The following SYNE1 variants were observed in gnomAD, a reference collection of about 807,000 sequenced individuals.
The protein encoded by SYNE1 is spectrin repeat containing nuclear envelope protein 1, also known as nesprin-1.
Under a neutral mutation model 1,111.0 loss-of-function variants are expected in SYNE1, and 616 were observed. The ratio of observed to expected loss-of-function variants is 0.55; its 90% CI spans 0.52 to 0.59. SYNE1 has a LOEUF of 0.59. Ranked by LOEUF, SYNE1 falls within the 20% of genes least tolerant of loss-of-function variation. The probability of loss-of-function intolerance (pLI) is 0.00; values close to 1 mark genes in which losing one functional copy is unlikely to be tolerated. For synonymous variants in SYNE1, 3,855 were observed against 3,825.8 expected (o/e 1.01, Z -0.28); for missense variants, 10,006 against 10,417.0 (o/e 0.96, Z 1.72).
intron 70 of SYNE1, among the ~76,000 whole-genome samples, chr6:152,351,630 A>G (rs1035293962): frequency 6.6e-6 from 1 of 152,172 alleles, no homozygotes; most frequent in African/African-American, 2.4e-5. Context: ...TCAATTTACC[A>G]TAGGTCAGTT....
intron 91 of SYNE1, among the ~76,000 whole-genome samples, chr6:152,306,203 C>T (rs969294251): frequency 2.0e-5 from 3 of 152,066 alleles, no homozygotes; most frequent in Admixed American, 6.6e-5. Context: ...ATCCTTACCC[C>T]GGCCAGTCGT....
rs1265038014 is a variant in SYNE1 at position 152,409,685 on chromosome 6, A to G, written c.6255T>C (p.Ile2085=). 5 of 1,613,804 alleles carry G rather than the reference A, an allele frequency of 3.1e-6. No individual in the cohort carries two copies. The highest frequency in any genetic ancestry group is 2.5e-6 in the Non-Finnish European group (3 of 1,179,958). The change falls in exon 43 of 146, where the codon ATT becomes ATC. Residue 2085 remains isoleucine, a synonymous_variant. Coordinates refer to ENST00000367255, the MANE Select transcript of SYNE1 (RefSeq NM_182961.4). Reference sequence around the variant, plus strand: ...GGTTCTGATATTCTCTCATTAAGTCAATAAGTCCACAGCACTGACCCTGAC... The same window carrying G: ...GGTTCTGATATTCTCTCATTAAGTCGATAAGTCCACAGCACTGACCCTGAC... ...HENQGQCCGL[I]DLMREYQNLK... is the part of the protein sequence containing the mutation.
intron 11 of SYNE1, among the ~76,000 whole-genome samples, chr6:152,497,529 G>T (rs2099006210): frequency 6.6e-6 from 1 of 152,196 alleles, no homozygotes; most frequent in African/African-American, 2.4e-5. Flanking sequence ...AGACTTCATT[G>T]TGAGCCTGAG....
rs757124573 is a variant in SYNE1, at chr6:152,156,102, AG to A, written c.23791-6del. On this transcript the variant is annotated splice_region_variant and splice_polypyrimidine_tract_variant and intron_variant, in intron 131 of 145. Coordinates refer to ENST00000367255, the MANE Select transcript of SYNE1 (RefSeq NM_182961.4). ...CTCTATGTCTCTCTGAAGCTCCTGC[AG>A]GGGAACGTAACAGGCTTTATTCAAC... 6.0e-4 allele frequency: 971 copies of A among 1,614,048 alleles called. No homozygotes were observed. Among genetic ancestry groups the A allele is most frequent in the Non-Finnish European group, 7.7e-4 (904 of 1,180,024 alleles).
chr6:152,507,463 G>A (rs1465391371), intron 8 of SYNE1, among the ~76,000 whole-genome samples: 1 of 151,892 alleles, frequency 6.6e-6, no homozygotes, highest in Non-Finnish European at 1.5e-5. Flanking sequence ...ATATATGTAG[G>A]TATGCACACA....
rs183649484 is a variant in SYNE1 at position 152,609,615 on chromosome 6, C to T, written c.67+18650G>A. Among the ~76,000 whole-genome samples, 436 of 152,266 alleles carry T rather than the reference C, an allele frequency of 2.9e-3. 2 individuals carry two copies. Among genetic ancestry groups the T allele is most frequent in the African/African-American group, 0.01 (420 of 41,564 alleles). On this transcript the variant is annotated intron_variant, in intron 3 of 145. Coordinates refer to ENST00000367255, the MANE Select transcript of SYNE1 (RefSeq NM_182961.4). ...CCCTGTCTAACAGCACTGAAGACAG[C>T]GGTGGTTCTCCCAGCACGGCGTTTG...
At position 152,217,253 on chromosome 6, in the gene SYNE1, A is replaced by G. The variant is rs1050948197; in HGVS notation, c.22191+1004T>C. Among the ~76,000 whole-genome samples the G allele has an allele frequency of 5.3e-5, 8 of 150,080 alleles. No individual in the cohort carries two copies. In the East Asian group the frequency reaches 8.0e-4, roughly 15 times the overall value. ...ACTAAAAATACAAAAAAAATTAGCC[A>G]GGCGTGGTGGACAGTACCTGCAGTC... On this transcript the variant is annotated intron_variant, in intron 121 of 145. Transcript: ENST00000367255.
At chr6:152,596,468 C>T (rs2128585306) in intron 3 of SYNE1, among the ~76,000 whole-genome samples, 1 of 152,234 alleles carries the variant, frequency 6.6e-6, no homozygotes, top group African/African-American at 2.4e-5. Flanking sequence ...GTTGGCCATG[C>T]TGGTCTTGAA....
Position 152,520,558 on chromosome 6 carries a change from TA to T in SYNE1, c.226-17del. On this transcript the variant is annotated splice_polypyrimidine_tract_variant and intron_variant, in intron 5 of 145. Transcript: ENST00000367255. ...GTTCACAAGGCTGTAAAAAGTGGGG[TA>T]AAAAAGGGAATGAGACAAAATCTGC... 6.2e-7 allele frequency: 1 copy of T among 1,613,146 alleles called. No homozygotes were observed. Among genetic ancestry groups the T allele is most frequent in the South Asian group, 1.1e-5 (1 of 91,064 alleles).
chr6:152,438,679 T>C (rs1274797849), intron 32 of SYNE1, among the ~76,000 whole-genome samples: 1 of 152,180 alleles, frequency 6.6e-6, no homozygotes, highest in African/African-American at 2.4e-5. Flanking sequence ...AGATTAAACA[T>C]GACATTGCTA....
In SYNE1 at chr6:152,401,142, A is replaced by C; in HGVS notation, c.7025T>G (p.Val2342Gly). ...TAATGATAGTTTATTACCTACCTTG[A>C]CTTTTTTCAATGCTTCACAAGTCTC... ...QNETCEALKK[V>G]KDIQKELQSQ... Residue 2342 changes from valine (V) to glycine (G), a missense_variant, in exon 47 of 146, where the codon GTC (valine) becomes GGC (glycine). Physicochemically the swap from Val to Gly is moderately radical, Grantham distance 109. This residue lies in a region of SYNE1 where 4,955 missense variants were observed against 5,017.2 expected (regional missense o/e 0.99). Transcript: ENST00000367255. 6.2e-7 allele frequency: 1 copy of C among 1,613,966 alleles called. No individual in the cohort carries two copies. Among genetic ancestry groups the C allele is most frequent in the Non-Finnish European group, 8.5e-7 (1 of 1,179,980 alleles).
Position 152,449,572 on chromosome 6 carries a change from G to A in SYNE1, c.3465C>T (p.Ile1155=), listed in dbSNP as rs770210620. ...TQLKGIKGEA[I]DTANHGEVKR... is the part of the protein sequence containing the mutation. ...TAACCTCTCCGTGGTTGGCAGTATC[G>A]ATGGCCTCACCCTTGATCCCCTTTA... Residue 1155 remains isoleucine, a synonymous_variant, in exon 28 of 146, where the codon ATC becomes ATT. Transcript: ENST00000367255. The A allele has an allele frequency of 5.6e-6, 9 of 1,613,874 alleles. No homozygotes were observed. In the East Asian group the frequency reaches 6.7e-5, roughly 12 times the overall value.
intron 16 of SYNE1, among the ~76,000 whole-genome samples, chr6:152,469,782 G>A (rs926758572): frequency 1.6e-4 from 24 of 152,194 alleles, no homozygotes; most frequent in Middle Eastern, 3.4e-3. Flanking sequence ...CACCTGGAGC[G>A]TGTGCCGCCA....
At chr6:152,413,216 T>C in intron 42 of SYNE1, 136 bp downstream of exon 42, 1 of 1,045,878 alleles carries the variant, frequency 9.6e-7, no homozygotes, top group Non-Finnish European at 1.5e-6. Flanking sequence ...TTTTCAATGT[T>C]ATGAAAGTGA....
chr6:152,282,566 G>A (rs905521936), intron 96 of SYNE1, among the ~76,000 whole-genome samples: 4 of 151,866 alleles, frequency 2.6e-5, no homozygotes, highest in African/African-American at 9.7e-5. Context: ...AAAAATCGAC[G>A]TCAATCGCTT....
chr6:152,399,397 T>C (rs1311742907), intron 48 of SYNE1, among the ~76,000 whole-genome samples: 3 of 152,180 alleles, frequency 2.0e-5, no homozygotes, highest in African/African-American at 4.8e-5. Context: ...GGTGAACTCT[T>C]GCTTTCTTGG....
chr6:152,348,775 A>G, intron 72 of SYNE1, among the ~76,000 whole-genome samples: 1 of 151,932 alleles, frequency 6.6e-6, no homozygotes, highest in Admixed American at 6.6e-5. Context: ...ATATGATGCT[A>G]ATGACAAGTG....
chr6:152,362,556 T>C (rs929089547), intron 63 of SYNE1, among the ~76,000 whole-genome samples: 9 of 152,022 alleles, frequency 5.9e-5, no homozygotes, highest in Non-Finnish European at 1.3e-4. Context: ...AACATGGAAC[T>C]AGCTATCAAC....
rs564475251 is a variant in SYNE1, at chr6:152,563,055, C to CAA, written c.68-23035_68-23034insTT. Among the ~76,000 whole-genome samples, 30 of 149,124 alleles carry CAA rather than the reference C, an allele frequency of 2.0e-4. No homozygotes were observed. The East Asian group carries it at 5.8e-3, about 29-fold the overall frequency. ...AAATTATAATAGAGGAAAAAGAGTACACACACACACACACACACACAGAAA... is the reference window on the plus strand; with the variant it reads ...AAATTATAATAGAGGAAAAAGAGTACAAACACACACACACACACACACAGAAA... On this transcript the variant is annotated intron_variant, in intron 3 of 145. Transcript: ENST00000367255.
Sources: allele counts gnomAD v4.1 joint callset (sites outside exome capture counted in the v4.1 genomes callset), GRCh38; gene constraint gnomAD v4.1.1; regional missense constraint gnomAD v4.1.1; transcripts MANE v1.5; gene names NCBI Gene and HGNC (gene_info 2026-07-23, HGNC 2026-07-21).